TTLL6: variants seen among roughly 807,000 people sequenced by gnomAD.
TTLL6 encodes tubulin tyrosine ligase like 6, also known as tubulin polyglutamylase TTLL6.
TTLL6 carries 75 observed loss-of-function variants against 96.4 expected under a neutral mutation model. The observed-to-expected ratio is 0.78, with a 90% CI of 0.65 to 0.94. The LOEUF (loss-of-function observed/expected upper bound fraction) is 0.94. TTLL6 is among the 40% of genes least tolerant of loss of function. The pLI is 0.00. For missense variants in TTLL6, 1,030 were observed against 1,093.0 expected, an observed-to-expected ratio of 0.94 and a Z score of 0.81; for synonymous variants, 411 against 419.4, an observed-to-expected ratio of 0.98 and a Z score of 0.24.
intron 13 of TTLL6, among the ~76,000 whole-genome samples, chr17:48,782,105 CTTTTTTTTT>C (rs34486928): frequency 8.2e-6 from 1 of 122,606 alleles, no homozygotes; most frequent in Non-Finnish European, 1.7e-5. Context: ...TTTTTCTTTT[CTTTTTTTTT>C]TTTTTTTTTG....
chr17:48,805,923 C>T (rs1207676228), intron 1 of TTLL6, among the ~76,000 whole-genome samples: 1 of 152,114 alleles, frequency 6.6e-6, no homozygotes, highest in Admixed American at 6.5e-5. Flanking sequence ...CAGCCCTACC[C>T]ACACAGAGAA....
chr17:48,772,885 T>C (rs1440696174), intron 13 of TTLL6, among the ~76,000 whole-genome samples: 1 of 152,030 alleles, frequency 6.6e-6, no homozygotes, highest in Non-Finnish European at 1.5e-5. Flanking sequence ...TGCACCTGTG[T>C]CCCACCTATT....
chr17:48,802,379 A>T, intron 3 of TTLL6, among the ~76,000 whole-genome samples: 1 of 152,264 alleles, frequency 6.6e-6, no homozygotes, highest in East Asian at 1.9e-4. Flanking sequence ...TATATTAAGC[A>T]TGCATTTTTT....
In TTLL6 at chr17:48,786,399, C is replaced by G. The variant is rs548155168; in HGVS notation, c.1590-64G>C. On this transcript the variant is annotated intron_variant, in intron 11 of 15. Transcript: ENST00000393382. ...AATGCGCTGCGCAGGCAGGCATTCT[C>G]CTTGAGGGATGGACATGACTGGGCG... 8.2e-5 allele frequency: 131 copies of G among 1,601,652 alleles called. 1 individual carries two copies. In the African/African-American group the frequency reaches 1.5e-3, roughly 19 times the overall value.
intron 15 of TTLL6, among the ~76,000 whole-genome samples, chr17:48,767,717 C>T (rs541442325): frequency 6.6e-6 from 1 of 152,266 alleles, no homozygotes; most frequent in South Asian, 2.1e-4. Context: ...TGGAGTTCTC[C>T]GAAGTTTTTA....
At chr17:48,780,660 C>T (rs2038968006) in intron 13 of TTLL6, among the ~76,000 whole-genome samples, 2 of 152,190 alleles carry the variant, frequency 1.3e-5, no homozygotes, top group Admixed American at 6.5e-5. Flanking sequence ...TTCTCTCCCT[C>T]CGCCCAGTCC....
intron 13 of TTLL6, among the ~76,000 whole-genome samples, chr17:48,781,302 G>A (rs1009101044): frequency 6.6e-5 from 10 of 151,942 alleles, no homozygotes; most frequent in African/African-American, 2.4e-4. Context: ...CTGCCTCAGC[G>A]TCCCAAAGTG....
intron 13 of TTLL6, among the ~76,000 whole-genome samples, 195 bp downstream of exon 13, chr17:48,784,728 G>T (rs958706428): frequency 3.3e-5 from 5 of 152,248 alleles, no homozygotes; most frequent in East Asian, 3.9e-4. Context: ...AAGAGGGGAC[G>T]CACAAGAGCA....
Position 48,769,022 on chromosome 17 carries a change from C to A in TTLL6, c.2643G>T (p.Leu881=). 6.2e-7 allele frequency: 1 copy of A among 1,614,128 alleles called. No homozygotes were observed. The highest frequency in any genetic ancestry group is 8.5e-7 in the Non-Finnish European group (1 of 1,179,988). ...MQDQEAYSHC[L]ISGQKGCERS ...TCTCACATCCTTTTTGGCCAGAGAT[C>A]AGGCAATGGCTGTATGCTTCTTGAT... is the stretch of plus-strand genomic sequence containing the variant. Residue 881 remains leucine, a synonymous_variant, in exon 15 of 16, where the codon CTG becomes CTT. Transcript: ENST00000393382.
intron 6 of TTLL6, among the ~76,000 whole-genome samples, chr17:48,799,102 G>GT (rs2039367126): frequency 6.6e-6 from 1 of 152,156 alleles, no homozygotes; most frequent in Non-Finnish European, 1.5e-5. Context: ...GATTATAGGC[G>GT]TGAGCCACTT....
At chr17:48,813,600 GT>G in intron 1 of TTLL6, among the ~76,000 whole-genome samples, 1 of 152,094 alleles carries the variant, frequency 6.6e-6, no homozygotes, top group East Asian at 1.9e-4. Context: ...TAATCAGTTG[GT>G]CCCACATCAT....
intron 8 of TTLL6, chr17:48,794,328 GA>G: frequency 6.2e-7 from 1 of 1,601,914 alleles, no homozygotes. Flanking sequence ...TTAGACTAAG[GA>G]AAAATGACAG....
intron 13 of TTLL6, among the ~76,000 whole-genome samples, chr17:48,780,107 GAA>G: frequency 6.6e-6 from 1 of 151,950 alleles, no homozygotes; most frequent in East Asian, 1.9e-4. Flanking sequence ...AGAGGACATA[GAA>G]TGAGATATAT....
intron 3 of TTLL6, among the ~76,000 whole-genome samples, chr17:48,803,545 G>T (rs954653089): frequency 2.7e-5 from 4 of 150,834 alleles, no homozygotes. Flanking sequence ...TAGAAAATAG[G>T]TCTGTAGATC....
In TTLL6 at chr17:48,762,380, G is replaced by A. The variant is rs1459048734; in HGVS notation, c.*594C>T. On this transcript the variant is annotated 3_prime_UTR_variant, in exon 16 of 16. Coordinates refer to ENST00000393382, the MANE Select transcript of TTLL6 (RefSeq NM_001130918.3). ...TGGTGAGATTAAGTTGGGCTGGTGAGGGAGGTCACCAGAGGATGCTCGGGC... is the reference window on the plus strand; with the variant it reads ...TGGTGAGATTAAGTTGGGCTGGTGAAGGAGGTCACCAGAGGATGCTCGGGC... 1 of 152,294 alleles carries A rather than the reference G, an allele frequency of 6.6e-6. No individual in the cohort carries two copies. 9.4% of individuals were successfully genotyped at this position (152,294 alleles called of 1,614,324 possible).
intron 13 of TTLL6, among the ~76,000 whole-genome samples, chr17:48,782,302 C>T (rs1375444573): frequency 1.3e-5 from 2 of 151,914 alleles, no homozygotes; most frequent in Admixed American, 1.3e-4. Context: ...AATGGGGTTT[C>T]ACCACGTTGG....
rs1314745824 is a variant in TTLL6, at chr17:48,801,401, G to A, written c.481-16C>T. ...GATTGATCTTCTGGAAGGGAAGCCG[G>A]AATTCATGAGCAATCGAGGGACATG... On this transcript the variant is annotated splice_polypyrimidine_tract_variant and intron_variant, in intron 4 of 15. Transcript: ENST00000393382. 2 of 1,551,552 alleles carry A rather than the reference G, an allele frequency of 1.3e-6. No individual in the cohort carries two copies. The highest frequency in any genetic ancestry group is 1.7e-4 in the Middle Eastern group (1 of 5,992).
At chr17:48,787,444 G>A (rs1157577360) in intron 11 of TTLL6, among the ~76,000 whole-genome samples, 1 of 152,144 alleles carries the variant, frequency 6.6e-6, no homozygotes. Context: ...ACGCTGGAGT[G>A]CAGGGGTGCA....
chr17:48,777,726 G>A (rs7207304), intron 13 of TTLL6, among the ~76,000 whole-genome samples: 44,719 of 134,392 alleles, frequency 0.33, 7,072 homozygotes, highest in Admixed American at 0.44. Flanking sequence ...GTGAGACTCC[G>A]TCTCAAAAAA....
Sources: allele counts gnomAD v4.1 joint callset (sites outside exome capture counted in the v4.1 genomes callset), GRCh38; gene constraint gnomAD v4.1.1; transcripts MANE v1.5; gene names NCBI Gene and HGNC (gene_info 2026-07-23, HGNC 2026-07-21).